ZBTB7B: variants seen among roughly 807,000 people sequenced by gnomAD.
ZBTB7B encodes zinc finger and BTB domain containing 7B, also known as zinc finger and BTB domain-containing protein 7B.
Under a neutral mutation model 31.0 loss-of-function variants are expected in ZBTB7B, and 8 were observed. The ratio of observed to expected loss-of-function variants is 0.26; its 90% confidence interval spans 0.15 to 0.47. ZBTB7B has a LOEUF of 0.47. Ranked by LOEUF, ZBTB7B falls within the 20% of genes least tolerant of loss-of-function variation. The pLI is 0.99. For missense variants in ZBTB7B, 494 were observed against 742.4 expected (o/e 0.67, Z 3.89); for synonymous variants, 261 against 307.3 (o/e 0.85, Z 1.58).
Position 155,014,776 on chromosome 1 carries a change from G to A in ZBTB7B, c.116G>A (p.Arg39Gln). ...QLGHLCDLTIRTQGLEYRTHR... is the reference protein window; with the variant it reads ...QLGHLCDLTIQTQGLEYRTHR... The stretch of plus-strand genomic sequence containing the variant: ...GGCCACCTATGTGACCTCACCATCC[G>A]GACGCAGGGCCTTGAATACCGCACC... Residue 39 changes from arginine (R) to glutamine (Q), a missense_variant, in exon 2 of 3, where the codon CGG becomes CAG. By Grantham distance (43) the Arg-to-Gln change is conservative (BLOSUM62 1). Coordinates refer to ENST00000535420, the MANE Select transcript of ZBTB7B (RefSeq NM_001256455.2). 1.2e-6 allele frequency: 2 copies of A among 1,614,228 alleles called. No individual in the cohort carries two copies. The highest frequency in any genetic ancestry group is 1.7e-6 in the Non-Finnish European group (2 of 1,180,044).
rs868133307 is a variant in ZBTB7B, at chr1:155,003,127, T to G, written c.-7+184T>G. Among the ~76,000 whole-genome samples, 1 of 152,140 alleles carries G rather than the reference T, an allele frequency of 6.6e-6. No homozygotes were observed. Among genetic ancestry groups the G allele is most frequent in the Non-Finnish European group, 1.5e-5 (1 of 68,012 alleles). On this transcript the variant is annotated intron_variant, in intron 1 of 2. Transcript: ENST00000535420. The surrounding 1 kb of genome is among the most constrained non-coding windows in gnomAD (Gnocchi z 5.8). ...TCTCTGGAATTGGTTTTAACTGAGATGAAAGACAGAGAAGGAACTGCGGAT... is the reference window on the plus strand; with the variant it reads ...TCTCTGGAATTGGTTTTAACTGAGAGGAAAGACAGAGAAGGAACTGCGGAT...
At chr1:155,007,652 G>A (rs549487671) in intron 1 of ZBTB7B, among the ~76,000 whole-genome samples, 3 of 152,298 alleles carry the variant, frequency 2.0e-5, no homozygotes, top group Admixed American at 2.0e-4. Context: ...CTAGGGGCCT[G>A]GGCCCGTCTG....
chr1:155,007,824 G>A (rs989665482), intron 1 of ZBTB7B, among the ~76,000 whole-genome samples: 2 of 152,190 alleles, frequency 1.3e-5, no homozygotes, highest in South Asian at 2.1e-4. Flanking sequence ...GCAGGCCAGC[G>A]GCATTGAGCC....
Position 155,016,157 on chromosome 1 carries a change from ACCAGGAGGAG to A in ZBTB7B, c.1155-57_1155-48del, listed in dbSNP as rs1428424464. The A allele has an allele frequency of 6.5e-7, 1 of 1,535,718 alleles. No homozygotes were observed. Among genetic ancestry groups the A allele is most frequent in the African/African-American group, 1.4e-5 (1 of 73,270 alleles). ...GATGGGACAAGGCCAGGGTGGGATG[ACCAGGAGGAG>A]CCAGGGATCCCATCCTGAACACCTC... On this transcript the variant is annotated intron_variant, in intron 2 of 2. Coordinates refer to ENST00000535420, the MANE Select transcript of ZBTB7B (RefSeq NM_001256455.2). The surrounding 1 kb of genome is among the most constrained non-coding windows in gnomAD (Gnocchi z 4.3).
chr1:155,011,716 A>T (rs1658999436), intron 1 of ZBTB7B, among the ~76,000 whole-genome samples: 1 of 152,200 alleles, frequency 6.6e-6, no homozygotes, highest in African/African-American at 2.4e-5. Context: ...GGCATGCCAG[A>T]TTGGGTGGGG....
chr1:155,007,231 C>T (rs576649507), intron 1 of ZBTB7B, among the ~76,000 whole-genome samples: 30 of 152,340 alleles, frequency 2.0e-4, no homozygotes, highest in African/African-American at 7.2e-4. Context: ...CTTAGGGCCC[C>T]ACCCAAAAGA....
chr1:155,002,021 T>C (rs1412077098), upstream of ZBTB7B, among the ~76,000 whole-genome samples: 1 of 149,122 alleles, frequency 6.7e-6, no homozygotes. Context: ...TACCCTTCCC[T>C]CCTGAGGTCC....
Position 155,011,612 on chromosome 1 carries a change from GCAAACAGAC to G in ZBTB7B, c.-6-3032_-6-3024del, listed in dbSNP as rs1318475197. Among the ~76,000 whole-genome samples the G allele has an allele frequency of 2.6e-5, 4 of 152,330 alleles. No homozygotes were observed. The East Asian group carries it at 7.7e-4, about 29-fold the overall frequency. On this transcript the variant is annotated intron_variant, in intron 1 of 2. Transcript: ENST00000535420. Reference sequence around the variant, plus strand: ...GGCCCCCAGTTCTTCCCCCTACCAGGCAAACAGACCAAACAGACCTTGCCCGGTTCCCTG... The same window carrying G: ...GGCCCCCAGTTCTTCCCCCTACCAGGCAAACAGACCTTGCCCGGTTCCCTG...
Position 155,015,484 on chromosome 1 carries a change from G to T in ZBTB7B, c.824G>T (p.Gly275Val), listed in dbSNP as rs1225565343. Residue 275 changes from glycine to valine, a missense_variant, in exon 2 of 3, where the codon GGT becomes GTT. Gly to Val is a moderately radical substitution (Grantham distance 109). Coordinates refer to ENST00000535420, the MANE Select transcript of ZBTB7B (RefSeq NM_001256455.2). ...EGPQSYEPYEGEEEEEELVYP... is the reference protein window; with the variant it reads ...EGPQSYEPYEVEEEEEELVYP... ...CCCCAGAGCTACGAACCCTATGAGG[G>T]TGAGGAAGAAGAAGAGGAGCTGGTA... 6 of 1,612,866 alleles carry T rather than the reference G, an allele frequency of 3.7e-6. No homozygotes were observed. The highest frequency in any genetic ancestry group is 5.1e-6 in the Non-Finnish European group (6 of 1,179,406).
chr1:155,008,603 C>A (rs961195836), intron 1 of ZBTB7B, among the ~76,000 whole-genome samples: 11 of 152,212 alleles, frequency 7.2e-5, no homozygotes, highest in Non-Finnish European at 1.3e-4. Context: ...CATTGCTCCT[C>A]CTCATCTCTG....
At chr1:155,009,403 G>A (rs1167766083) in intron 1 of ZBTB7B, among the ~76,000 whole-genome samples, 10 of 152,104 alleles carry the variant, frequency 6.6e-5, no homozygotes. Flanking sequence ...TGGGCACAGG[G>A]CAGACCCTGG....
In ZBTB7B at chr1:155,015,635, C is replaced by A. The variant is rs746178792; in HGVS notation, c.975C>A (p.Asn325Lys). The A allele has an allele frequency of 6.2e-7, 1 of 1,613,650 alleles. No individual in the cohort carries two copies. The highest frequency in any genetic ancestry group is 8.5e-7 in the Non-Finnish European group (1 of 1,180,014). The stretch of plus-strand genomic sequence containing the variant: ...ACCTAAGCTCCCTGCACCAGGACAA[C>A]CTGGCACCAGGCCTGGACAGCCAAG... The part of the protein sequence containing the change: ...MAYLSSLHQD[N>K]LAPGLDSQDK... Residue 325 changes from asparagine to lysine, a missense_variant, in exon 2 of 3, where the codon AAC becomes AAA. Physicochemically the swap from Asn to Lys is moderately conservative, Grantham distance 94 (BLOSUM62 0). Around this residue, in one of 5 missense-constraint regions of ZBTB7B, gnomAD observed 216 missense variants for 229.3 expected, o/e 0.94. Coordinates refer to ENST00000535420, the MANE Select transcript of ZBTB7B (RefSeq NM_001256455.2).
chr1:155,015,243 C>T lies in ZBTB7B; in HGVS notation c.583C>T (p.Arg195Trp), dbSNP rs367725892. Residue 195 changes from arginine to tryptophan, a missense_variant, in exon 2 of 3, where the codon CGG (arginine) becomes TGG (tryptophan). Around this residue, in one of 5 missense-constraint regions of ZBTB7B, gnomAD observed 216 missense variants for 229.3 expected, o/e 0.94. Coordinates refer to ENST00000535420, the MANE Select transcript of ZBTB7B (RefSeq NM_001256455.2). The part of the protein sequence containing the change: ...PLPPPPPPPP[R>W]PVARRSRKPR... ...CCCACCACCTCCGCCACCGCCACCTCGGCCTGTTGCCCGCCGCAGCCGCAA... is the reference window on the plus strand; with the variant it reads ...CCCACCACCTCCGCCACCGCCACCTTGGCCTGTTGCCCGCCGCAGCCGCAA... 43 of 1,613,626 alleles carry T rather than the reference C, an allele frequency of 2.7e-5. No individual in the cohort carries two copies. In the Admixed American group the frequency reaches 3.8e-4, roughly 14 times the overall value.
At chr1:155,014,131 A>T in intron 1 of ZBTB7B, 1 of 967,114 alleles carries the variant, frequency 1.0e-6, no homozygotes, top group Non-Finnish European at 1.2e-6. Context: ...TCCCCAGGTT[A>T]TGAGGAGGTT....
rs1408441283 is a variant in ZBTB7B at position 155,003,272 on chromosome 1, T to A, written c.-7+329T>A. 6.6e-6 allele frequency among the ~76,000 whole-genome samples: 1 copy of A among 152,260 alleles called. No individual in the cohort carries two copies. Among genetic ancestry groups the A allele is most frequent in the East Asian group, 1.9e-4 (1 of 5,172 alleles). On this transcript the variant is annotated intron_variant, in intron 1 of 2. Coordinates refer to ENST00000535420, the MANE Select transcript of ZBTB7B (RefSeq NM_001256455.2). This position sits in a 1 kb window ranked among gnomAD's most constrained non-coding sequence, Gnocchi z 5.8. Reference sequence around the variant, plus strand: ...GGCGACGCTGAGCGTTCCCCCAGTCTCCTTCGTGACTTTAGGGGGAGACCC... The same window carrying A: ...GGCGACGCTGAGCGTTCCCCCAGTCACCTTCGTGACTTTAGGGGGAGACCC...
At chr1:155,007,882 A>G (rs1316329343) in intron 1 of ZBTB7B, among the ~76,000 whole-genome samples, 2 of 152,056 alleles carry the variant, frequency 1.3e-5, no homozygotes, top group Admixed American at 6.5e-5. Context: ...GGGCATTTCT[A>G]TGGTACCCCC....
Position 155,003,925 on chromosome 1 carries a change from G to C in ZBTB7B, c.-7+982G>C, listed in dbSNP as rs1382979741. ...GAGTGGGGGGGCGGCGTGGGCAGCG[G>C]GTTGTGCCCGGACACGTGCCTGCCC... On this transcript the variant is annotated intron_variant, in intron 1 of 2. Coordinates refer to ENST00000535420, the MANE Select transcript of ZBTB7B (RefSeq NM_001256455.2). This position sits in a 1 kb window ranked among gnomAD's most constrained non-coding sequence, Gnocchi z 5.8. Among the ~76,000 whole-genome samples, 3 of 152,284 alleles carry C rather than the reference G, an allele frequency of 2.0e-5. No individual in the cohort carries two copies. The South Asian group carries it at 6.2e-4, about 32-fold the overall frequency.
chr1:155,005,116 CGGCGGGCAGCGGG>C (rs1280593503), intron 1 of ZBTB7B, among the ~76,000 whole-genome samples: 1 of 151,924 alleles, frequency 6.6e-6, no homozygotes. Flanking sequence ...AGGGAGGGTG[CGGCGGGCAGCGGG>C]GGCTGGGCTA....
intron 1 of ZBTB7B, among the ~76,000 whole-genome samples, chr1:155,011,451 C>T (rs1161768448): frequency 6.6e-6 from 1 of 152,262 alleles, no homozygotes; most frequent in Non-Finnish European, 1.5e-5. Context: ...CTGAAGTCTT[C>T]CCCCAACCAA....
Sources: allele counts gnomAD v4.1 joint callset (sites outside exome capture counted in the v4.1 genomes callset), GRCh38; gene constraint gnomAD v4.1.1; regional missense constraint gnomAD v4.1.1; non-coding constraint Gnocchi (gnomAD v3.1); transcripts MANE v1.5; gene names NCBI Gene and HGNC (gene_info 2026-07-23, HGNC 2026-07-21).